The following IQGAP3 variants were observed in gnomAD, a reference collection of about 807,000 sequenced individuals.
IQGAP3 encodes IQ motif containing GTPase activating protein 3.
In IQGAP3, 165 loss-of-function variants were observed where a neutral mutation model predicts 208.2. The observed-to-expected ratio is 0.79, with a 90% CI of 0.70 to 0.90. The LOEUF is 0.90. IQGAP3 is among the 40% of genes least tolerant of loss of function. IQGAP3 has a pLI of 0.00. For missense variants in IQGAP3, 1,811 were observed against 2,043.1 expected (o/e 0.89, Z 2.19); for synonymous variants, 703 against 803.6 (o/e 0.87, Z 2.12).
chr1:156,528,079 A>C lies in IQGAP3; in HGVS notation c.4674-19T>G. 1 of 1,588,408 alleles carries C rather than the reference A, an allele frequency of 6.3e-7. No homozygotes were observed. The highest frequency in any genetic ancestry group is 1.1e-5 in the South Asian group (1 of 90,538). ...TCTGAAGCTGTCAGGAACAGGATTC[A>C]AAACAGGAACCCACTGCCTCTTTCC... On this transcript the variant is annotated intron_variant, in intron 36 of 37. Transcript: ENST00000361170.
intron 12 of IQGAP3, among the ~76,000 whole-genome samples, chr1:156,555,176 CCTT>C (rs1202107892): frequency 3.9e-5 from 6 of 152,188 alleles, no homozygotes; most frequent in Admixed American, 6.5e-5. Context: ...CCTGCCCTGT[CCTT>C]CTTCTGCTTT....
In IQGAP3 at chr1:156,548,633, G is replaced by A. The variant is rs764141928; in HGVS notation, c.1941C>T (p.Ala647=). Reference sequence around the variant, plus strand: ...TTTCCAGGGCTCGCTGGTAGCCGTTGGCACAGTCGGGAACTACCCCTCGAA... The same window carrying A: ...TTTCCAGGGCTCGCTGGTAGCCGTTAGCACAGTCGGGAACTACCCCTCGAA... ...VALRGVVPDC[A]NGYQRALESA... Residue 647 remains alanine, a synonymous_variant, in exon 17 of 38, where the codon GCC becomes GCT. Coordinates refer to ENST00000361170, the MANE Select transcript of IQGAP3 (RefSeq NM_178229.5). 2 of 1,611,368 alleles carry A rather than the reference G, an allele frequency of 1.2e-6. No homozygotes were observed. Among genetic ancestry groups the A allele is most frequent in the Non-Finnish European group, 8.5e-7 (1 of 1,178,218 alleles).
intron 15 of IQGAP3, 25 bp downstream of exon 15, chr1:156,551,680 C>A (rs772639995): frequency 2.5e-6 from 4 of 1,593,086 alleles, no homozygotes; most frequent in Middle Eastern, 2.2e-4. Flanking sequence ...GCTCTGATGA[C>A]CAACCCAACC....
intron 16 of IQGAP3, among the ~76,000 whole-genome samples, chr1:156,549,130 G>A (rs1166753408): frequency 6.6e-6 from 1 of 152,060 alleles, no homozygotes; most frequent in African/African-American, 2.4e-5. Context: ...TTTGAGACTA[G>A]CCTGGCCAAC....
In IQGAP3 at chr1:156,546,735, A is replaced by G. The variant is rs114237036; in HGVS notation, c.2304+1338T>C. ...GGTGCCCAATGTCATATGACCCAGA[A>G]GTGGTAGGACCAGGAGGCAAACTCT... On this transcript the variant is annotated intron_variant, in intron 19 of 37. Coordinates refer to ENST00000361170, the MANE Select transcript of IQGAP3 (RefSeq NM_178229.5). Among the ~76,000 whole-genome samples, 973 of 152,280 alleles carry G rather than the reference A, an allele frequency of 6.4e-3. 9 individuals carry two copies. The highest frequency in any genetic ancestry group is 0.022 in the African/African-American group (923 of 41,552).
At chr1:156,552,349 C>A (rs1004692962) in intron 13 of IQGAP3, among the ~76,000 whole-genome samples, 5 of 152,182 alleles carry the variant, frequency 3.3e-5, no homozygotes, top group African/African-American at 1.2e-4. Context: ...TGATCTCACC[C>A]AATCTCATGA....
In IQGAP3 at chr1:156,562,616, T is replaced by TCA; in HGVS notation, c.846_847dup (p.Glu283ValfsTer16). On this transcript the variant is annotated frameshift_variant, in exon 9 of 38. Coordinates refer to ENST00000361170, the MANE Select transcript of IQGAP3 (RefSeq NM_178229.5). LOFTEE classifies it high-confidence loss of function. The stretch of plus-strand genomic sequence containing the variant: ...GACATGGTTGATATTGCCCTGGATT[T>TCA]CAGCCTGAGTTAGGTAGTGGTCATA... The TCA allele has an allele frequency of 6.2e-7, 1 of 1,614,182 alleles. No individual in the cohort carries two copies. The highest frequency in any genetic ancestry group is 8.5e-7 in the Non-Finnish European group (1 of 1,180,030).
chr1:156,545,581 C>T (rs546146352), intron 19 of IQGAP3, among the ~76,000 whole-genome samples: 34 of 151,066 alleles, frequency 2.3e-4, no homozygotes, highest in African/African-American at 6.1e-4. Context: ...CTCACTGCAG[C>T]GTCAACCTCC....
At chr1:156,564,318 A>G (rs1208007580) in intron 5 of IQGAP3, among the ~76,000 whole-genome samples, 4 of 152,142 alleles carry the variant, frequency 2.6e-5, no homozygotes, top group Non-Finnish European at 5.9e-5. Context: ...GTTGCTCTCA[A>G]TAGGTCCTGT....
intron 32 of IQGAP3, among the ~76,000 whole-genome samples, chr1:156,532,462 C>T (rs1202232717): frequency 6.7e-6 from 1 of 149,716 alleles, no homozygotes; most frequent in African/African-American, 2.5e-5. Flanking sequence ...TTGGATAAAT[C>T]ACATAACTAC....
chr1:156,536,433 G>A (rs1391061102), intron 27 of IQGAP3, among the ~76,000 whole-genome samples: 1 of 152,158 alleles, frequency 6.6e-6, no homozygotes, highest in African/African-American at 2.4e-5. Context: ...TGATTTCACA[G>A]GAGTAGAGAG....
intron 24 of IQGAP3, 124 bp downstream of exon 24, chr1:156,539,713 GA>G: frequency 4.0e-6 from 5 of 1,256,368 alleles, no homozygotes; most frequent in Non-Finnish European, 5.7e-6. Flanking sequence ...CTTTCCTGGG[GA>G]TAAGGAATTA....
chr1:156,554,174 G>A (rs950380206), intron 13 of IQGAP3, 61 bp downstream of exon 13: 1 of 1,521,684 alleles, frequency 6.6e-7, no homozygotes, highest in South Asian at 1.3e-5. Flanking sequence ...ACAGAAGAGT[G>A]CTGAGTCTTG....
Position 156,566,390 on chromosome 1 carries a change from C to A in IQGAP3, c.282G>T (p.Gln94His). The change falls in exon 3 of 38, where the codon CAG becomes CAT. Residue 94 changes from glutamine (Q) to histidine (H), a missense_variant and splice_region_variant. By Grantham distance (24) the Gln-to-His change is conservative. Transcript: ENST00000361170. ...KIYDVEQLRY[Q>H]ATGLHFRHTD... ...AGAAGGTGGGGTCCAATCCTCCCAC[C>A]TGGTACCGCAGCTGCTCCACATCGT... 6.2e-7 allele frequency: 1 copy of A among 1,613,928 alleles called. No homozygotes were observed. Among genetic ancestry groups the A allele is most frequent in the South Asian group, 1.1e-5 (1 of 91,052 alleles).
Position 156,550,249 on chromosome 1 carries a change from CA to C in IQGAP3, c.1825+11del. The C allele has an allele frequency of 1.9e-6, 3 of 1,597,346 alleles. No individual in the cohort carries two copies. The highest frequency in any genetic ancestry group is 2.6e-6 in the Non-Finnish European group (3 of 1,165,698). ...CCCTCCCCTCCCAGGGTCCCCCAAC[CA>C]GTCCATTTACTTCTCTGAGCTGTAT... On this transcript the variant is annotated intron_variant, in intron 16 of 37. Coordinates refer to ENST00000361170, the MANE Select transcript of IQGAP3 (RefSeq NM_178229.5).
intron 19 of IQGAP3, among the ~76,000 whole-genome samples, chr1:156,547,371 A>G (rs1442386431): frequency 1.4e-5 from 2 of 140,736 alleles, no homozygotes; most frequent in Non-Finnish European, 3.0e-5. Context: ...ACACAGACAC[A>G]CAGACACAGA....
At chr1:156,565,541 G>A (rs1676363571) in intron 4 of IQGAP3, among the ~76,000 whole-genome samples, 1 of 152,216 alleles carries the variant, frequency 6.6e-6, no homozygotes, top group African/African-American at 2.4e-5. Context: ...CACAGACCAT[G>A]TGATCTTCCT....
At chr1:156,527,760 T>C (rs1674170991) in intron 37 of IQGAP3, among the ~76,000 whole-genome samples, 192 bp downstream of exon 37, 1 of 152,182 alleles carries the variant, frequency 6.6e-6, no homozygotes, top group Admixed American at 6.5e-5. Context: ...GGGGTCTGTG[T>C]CAGGGCATGG....
intron 19 of IQGAP3, among the ~76,000 whole-genome samples, chr1:156,545,778 C>T (rs1479339622): frequency 6.6e-6 from 1 of 152,100 alleles, no homozygotes; most frequent in South Asian, 2.1e-4. Context: ...AGGTTACAGG[C>T]GTGAGCCACC....
Sources: allele counts gnomAD v4.1 joint callset (sites outside exome capture counted in the v4.1 genomes callset), GRCh38; gene constraint gnomAD v4.1.1; transcripts MANE v1.5; gene names NCBI Gene and HGNC (gene_info 2026-07-23, HGNC 2026-07-21).